The following PRR12 variants were observed in gnomAD, a reference collection of about 807,000 sequenced individuals.
The protein encoded by PRR12 is proline rich 12, also known as proline-rich protein 12.
In PRR12, 12 loss-of-function variants were observed where a neutral mutation model predicts 138.0. That is an observed-to-expected ratio of 0.09 (90% confidence interval 0.06 to 0.14). The LOEUF is 0.14. Ranked by LOEUF, PRR12 falls within the 10% of genes least tolerant of loss-of-function variation. The pLI is 1.00. For missense variants in PRR12, 2,692 were observed against 2,861.3 expected, an observed-to-expected ratio of 0.94 and a Z score of 1.35; for synonymous variants, 1,567 against 1,291.7, an observed-to-expected ratio of 1.21 and a Z score of -4.57.
Position 49,591,678 on chromosome 19 carries a change from C to G in PRR12, c.24C>G (p.Ala8=). The G allele has an allele frequency of 1.3e-6, 2 of 1,497,638 alleles. No homozygotes were observed. The highest frequency in any genetic ancestry group is 1.8e-6 in the Non-Finnish European group (2 of 1,123,420). 92.8% of individuals were successfully genotyped at this position (1,497,638 alleles called of 1,614,324 possible). A position where few individuals can be genotyped will look rare whatever the true frequency, so the allele number is the denominator to read the frequency against. The change falls in exon 1 of 14, where the codon GCC becomes GCG. Residue 8 remains alanine, a synonymous_variant. Transcript: ENST00000418929. ...TCATGGACAGGAACTACCCCAGCGC[C>G]GGCTTCGGGGACCCGCTCGGCGCCG... MDRNYPS[A]GFGDPLGAGA...
At chr19:49,611,969 AC>A (rs1418084635) in intron 6 of PRR12, among the ~76,000 whole-genome samples, 4 of 140,362 alleles carry the variant, frequency 2.8e-5, no homozygotes, top group African/African-American at 1.1e-4. Flanking sequence ...ACAGTGGCTC[AC>A]CCCTGTAATC....
At chr19:49,610,742 A>G (rs1281860493) in intron 6 of PRR12, among the ~76,000 whole-genome samples, 1 of 151,692 alleles carries the variant, frequency 6.6e-6, no homozygotes, top group Non-Finnish European at 1.5e-5. Flanking sequence ...ACGGGGTTTC[A>G]CCATGTTAGC....
chr19:49,615,885 G>A lies in PRR12; in HGVS notation c.5163G>A (p.Thr1721=), dbSNP rs992387885. 1.2e-5 allele frequency: 19 copies of A among 1,580,120 alleles called. No individual in the cohort carries two copies. The highest frequency in any genetic ancestry group is 2.3e-5 in the East Asian group (1 of 42,720). Residue 1721 remains threonine, a synonymous_variant, in exon 9 of 14, where the codon ACG becomes ACA. Transcript: ENST00000418929. The part of the protein sequence containing the change: ...SEKPPEQTPE[T]AMPEPPAPEK... ...AGCCCCCAGAGCAGACTCCTGAGAC[G>A]GCCATGCCTGAGCCCCCTGCCCCCG... is the stretch of plus-strand genomic sequence containing the variant.
At position 49,625,627 on chromosome 19, in the gene PRR12, G is replaced by A; in HGVS notation, c.*20G>A. Reference sequence around the variant, plus strand: ...GGGTGACCCCGCCCCAGCTTGTGAGGGGGGCGCCTCCTCCATGAACCGAGA... The same window carrying A: ...GGGTGACCCCGCCCCAGCTTGTGAGAGGGGCGCCTCCTCCATGAACCGAGA... On this transcript the variant is annotated 3_prime_UTR_variant, in exon 14 of 14. Transcript: ENST00000418929. This position sits in a 1 kb window ranked among gnomAD's most constrained non-coding sequence, Gnocchi z 5.5. The A allele has an allele frequency of 1.3e-6, 2 of 1,583,260 alleles. No individual in the cohort carries two copies. Among genetic ancestry groups the A allele is most frequent in the Non-Finnish European group, 8.6e-7 (1 of 1,163,806 alleles).
In PRR12 at chr19:49,594,686, C is replaced by G; in HGVS notation, c.362-11C>G. 6.2e-7 allele frequency: 1 copy of G among 1,611,872 alleles called. No homozygotes were observed. Among genetic ancestry groups the G allele is most frequent in the Non-Finnish European group, 8.5e-7 (1 of 1,179,658 alleles). On this transcript the variant is annotated splice_polypyrimidine_tract_variant and intron_variant, in intron 3 of 13. Transcript: ENST00000418929. This position sits in a 1 kb window ranked among gnomAD's most constrained non-coding sequence, Gnocchi z 5.6. ...CTGTTCTCTCTGACGCGCGGTCTTC[C>G]TCATCTCCAGCCATGCACACGCCAG...
In PRR12 at chr19:49,597,923, C is replaced by G; in HGVS notation, c.3588C>G (p.Gly1196=). 1 of 1,404,062 alleles carries G rather than the reference C, an allele frequency of 7.1e-7. No homozygotes were observed. Among genetic ancestry groups the G allele is most frequent in the Non-Finnish European group, 9.2e-7 (1 of 1,083,022 alleles). 87.0% of individuals were successfully genotyped at this position (1,404,062 alleles called of 1,614,324 possible). The stretch of plus-strand genomic sequence containing the variant: ...CCTCGGCCTCCACGCCCACCGATGG[C>G]GCCAAGAAACCCCGGGGCCGGGGCC... ...GPASASTPTD[G]AKKPRGRGRG... Residue 1196 remains glycine (G), a synonymous_variant, in exon 4 of 14, where the codon GGC becomes GGG. Coordinates refer to ENST00000418929, the MANE Select transcript of PRR12 (RefSeq NM_020719.3). This position sits in a 1 kb window ranked among gnomAD's most constrained non-coding sequence, Gnocchi z 6.3.
rs1222146777 is a variant in PRR12, at chr19:49,596,049, C to T, written c.1714C>T (p.Pro572Ser). 1 of 1,601,484 alleles carries T rather than the reference C, an allele frequency of 6.2e-7. No homozygotes were observed. The highest frequency in any genetic ancestry group is 8.5e-7 in the Non-Finnish European group (1 of 1,179,742). The change falls in exon 4 of 14, where the codon CCT becomes TCT. Residue 572 changes from proline to serine, a missense_variant. Around this residue, in one of 11 missense-constraint regions of PRR12, gnomAD observed 66 missense variants for 102.4 expected, o/e 0.64. Coordinates refer to ENST00000418929, the MANE Select transcript of PRR12 (RefSeq NM_020719.3). This position sits in a 1 kb window ranked among gnomAD's most constrained non-coding sequence, Gnocchi z 5.6. ...CATCATTCGTCCGCTCCAGTCACCGCCTGCCACCGGCCGTCCACCTGGAGT... is the reference window on the plus strand; with the variant it reads ...CATCATTCGTCCGCTCCAGTCACCGTCTGCCACCGGCCGTCCACCTGGAGT... ...SHIIRPLQSP[P>S]ATGRPPGVGS...
In PRR12 at chr19:49,594,613, C is replaced by G. The variant is rs1292323470; in HGVS notation, c.359C>G (p.Thr120Arg). 1 of 1,611,830 alleles carries G rather than the reference C, an allele frequency of 6.2e-7. No individual in the cohort carries two copies. The highest frequency in any genetic ancestry group is 8.5e-7 in the Non-Finnish European group (1 of 1,179,530). The stretch of plus-strand genomic sequence containing the variant: ...CAGTTCCGCAGTCCTTCCTGGCAAA[C>G]AGGTAAGCCCAGCGCCGGCCCTGCA... Reference protein sequence around the residue: ...LSQFRSPSWQTAMHTPGPTEL... With the variant: ...LSQFRSPSWQRAMHTPGPTEL... The change falls in exon 3 of 14, where the codon ACA becomes AGA. Residue 120 changes from threonine to arginine, a missense_variant and splice_region_variant. Coordinates refer to ENST00000418929, the MANE Select transcript of PRR12 (RefSeq NM_020719.3). This position sits in a 1 kb window ranked among gnomAD's most constrained non-coding sequence, Gnocchi z 5.6.
In PRR12 at chr19:49,594,118, G is replaced by T. The variant is rs936903978; in HGVS notation, c.200-336G>T. 6.6e-6 allele frequency among the ~76,000 whole-genome samples: 1 copy of T among 151,840 alleles called. No homozygotes were observed. Among genetic ancestry groups the T allele is most frequent in the Non-Finnish European group, 1.5e-5 (1 of 67,960 alleles). ...TCCTTGCTGGAAATATCCAAATTTG[G>T]TCTCCCTCCCAGCCTTACTGAGGAC... On this transcript the variant is annotated intron_variant, in intron 2 of 13. Coordinates refer to ENST00000418929, the MANE Select transcript of PRR12 (RefSeq NM_020719.3). This position sits in a 1 kb window ranked among gnomAD's most constrained non-coding sequence, Gnocchi z 5.6.
At chr19:49,611,831 G>C (rs1024497749) in intron 6 of PRR12, among the ~76,000 whole-genome samples, 1 of 146,616 alleles carries the variant, frequency 6.8e-6, no homozygotes, top group Non-Finnish European at 1.5e-5. Context: ...GCTGAGGCAG[G>C]AGAATGGCGT....
rs1489875724 is a variant in PRR12 at position 49,596,111 on chromosome 19, A to C, written c.1776A>C (p.Ser592=). ...SPGAPGKYLS[S]VLASAPFLAP... ...GAGCCCCTGGCAAATACCTGAGCTC[A>C]GTCTTGGCCTCAGCGCCTTTCCTGG... The change falls in exon 4 of 14, where the codon TCA becomes TCC. Residue 592 remains serine (S), a synonymous_variant. Transcript: ENST00000418929. The surrounding 1 kb of genome is among the most constrained non-coding windows in gnomAD (Gnocchi z 5.6). 6.2e-7 allele frequency: 1 copy of C among 1,603,430 alleles called. No homozygotes were observed. The highest frequency in any genetic ancestry group is 1.7e-5 in the Admixed American group (1 of 60,020).
intron 2 of PRR12, among the ~76,000 whole-genome samples, chr19:49,593,692 C>G (rs2080745200): frequency 6.6e-6 from 1 of 152,142 alleles, no homozygotes; most frequent in East Asian, 1.9e-4. Flanking sequence ...CCCCAAATCC[C>G]ACCTTCTCTT....
rs541005642 is a variant in PRR12 at position 49,596,731 on chromosome 19, C to G, written c.2396C>G (p.Pro799Arg). 1.9e-5 allele frequency: 31 copies of G among 1,604,872 alleles called. No homozygotes were observed. Among genetic ancestry groups the G allele is most frequent in the African/African-American group, 6.7e-5 (5 of 74,750 alleles). The change falls in exon 4 of 14, where the codon CCC becomes CGC. Residue 799 changes from proline (P) to arginine (R), a missense_variant. Physicochemically the swap from Pro to Arg is moderately radical, Grantham distance 103. Coordinates refer to ENST00000418929, the MANE Select transcript of PRR12 (RefSeq NM_020719.3). This position sits in a 1 kb window ranked among gnomAD's most constrained non-coding sequence, Gnocchi z 5.6. ...CCACTGGTGCTGCCTCCGCCTCCCCCCCAGCTGCTCCCCTCGGTCCTCAGC... is the reference window on the plus strand; with the variant it reads ...CCACTGGTGCTGCCTCCGCCTCCCCGCCAGCTGCTCCCCTCGGTCCTCAGC... Reference protein sequence around the residue: ...DLPLVLPPPPPQLLPSVLSHA... With the variant: ...DLPLVLPPPPRQLLPSVLSHA...
Position 49,599,402 on chromosome 19 carries a change from T to C in PRR12, c.3809T>C (p.Val1270Ala), listed in dbSNP as rs200956034. The C allele has an allele frequency of 4.0e-5, 65 of 1,611,676 alleles. No homozygotes were observed. The African/African-American group carries it at 8.4e-4, about 21-fold the overall frequency. The change falls in exon 5 of 14, where the codon GTG becomes GCG. Residue 1270 changes from valine (V) to alanine (A), a missense_variant. Val to Ala is a moderately conservative substitution (Grantham distance 64). Around this residue, in one of 11 missense-constraint regions of PRR12, gnomAD observed 326 missense variants for 344.2 expected, o/e 0.95. Transcript: ENST00000418929. The surrounding 1 kb of genome is among the most constrained non-coding windows in gnomAD (Gnocchi z 5.0). ...AAGATCGAGGCCAAGATTAAGGAGG[T>C]GGAGGAGAAGCAGCCGGAGATGAAG... is the stretch of plus-strand genomic sequence containing the variant. ...REKIEAKIKE[V>A]EEKQPEMKSG...
At position 49,624,489 on chromosome 19, in the gene PRR12, T is replaced by C. The variant is rs552034795; in HGVS notation, c.5722-355T>C. On this transcript the variant is annotated intron_variant, in intron 11 of 13. Transcript: ENST00000418929. ...GTGGTTAGGATGGGGCTGGGAATTCTGGGGTAGGTGGTTAGGATGGGGCTG... is the reference window on the plus strand; with the variant it reads ...GTGGTTAGGATGGGGCTGGGAATTCCGGGGTAGGTGGTTAGGATGGGGCTG... 6.0e-5 allele frequency among the ~76,000 whole-genome samples: 9 copies of C among 151,016 alleles called. No individual in the cohort carries two copies. The East Asian group carries it at 1.4e-3, about 23-fold the overall frequency.
In PRR12 at chr19:49,595,753, C is replaced by A. The variant is rs1208285789; in HGVS notation, c.1418C>A (p.Pro473His). ...CAGGCACAGGACTTGAGCAAAGCCCCCAGCTACTCAGGGGGCCCCCCACAG... is the reference window on the plus strand; with the variant it reads ...CAGGCACAGGACTTGAGCAAAGCCCACAGCTACTCAGGGGGCCCCCCACAG... ...GGQAQDLSKA[P>H]SYSGGPPQPP... The change falls in exon 4 of 14, where the codon CCC becomes CAC. Residue 473 changes from proline to histidine, a missense_variant. Around this residue, in one of 11 missense-constraint regions of PRR12, gnomAD observed 523 missense variants for 496.4 expected, o/e 1.05. Transcript: ENST00000418929. 1 of 1,600,606 alleles carries A rather than the reference C, an allele frequency of 6.2e-7. No homozygotes were observed. The highest frequency in any genetic ancestry group is 1.3e-5 in the African/African-American group (1 of 74,534).
At position 49,624,917 on chromosome 19, in the gene PRR12, G is replaced by A. The variant is rs1430398468; in HGVS notation, c.5795G>A (p.Arg1932Gln). ...GEGSPEEGAV[R>Q]LRPAGEPYNR... is the part of the protein sequence containing the mutation. Reference sequence around the variant, plus strand: ...GGCTCTCCGGAAGAGGGGGCTGTGCGGCTGCGGCCTGCTGGGGAACCCTAC... The same window carrying A: ...GGCTCTCCGGAAGAGGGGGCTGTGCAGCTGCGGCCTGCTGGGGAACCCTAC... The change falls in exon 12 of 14, where the codon CGG (arginine) becomes CAG (glutamine). Residue 1932 changes from arginine (R) to glutamine (Q), a missense_variant. By Grantham distance (43) the Arg-to-Gln change is conservative (BLOSUM62 1). Transcript: ENST00000418929. 1.9e-6 allele frequency: 3 copies of A among 1,605,104 alleles called. No homozygotes were observed. The highest frequency in any genetic ancestry group is 1.7e-5 in the Admixed American group (1 of 58,952).
chr19:49,592,326 C>G (rs987706053), intron 1 of PRR12, among the ~76,000 whole-genome samples: 3 of 152,186 alleles, frequency 2.0e-5, no homozygotes, highest in African/African-American at 7.2e-5. Context: ...TTTAATGCCC[C>G]CACCCCCAAA....
rs1427284289 is a variant in PRR12, at chr19:49,615,864, C to T, written c.5142C>T (p.Pro1714=). 3.8e-6 allele frequency: 6 copies of T among 1,599,828 alleles called. No homozygotes were observed. In the African/African-American group the frequency reaches 4.0e-5, roughly 11 times the overall value. ...CTGAAAAGACGACATCTGAGAAGCC[C>T]CCAGAGCAGACTCCTGAGACGGCCA... ...ETPEKTTSEK[P]PEQTPETAMP... The change falls in exon 9 of 14, where the codon CCC becomes CCT. Residue 1714 remains proline, a synonymous_variant. Coordinates refer to ENST00000418929, the MANE Select transcript of PRR12 (RefSeq NM_020719.3).
Sources: gnomAD v4.1 joint callset for allele counts (sites outside exome capture counted in the v4.1 genomes callset) on GRCh38, gnomAD v4.1.1 for gene constraint, gnomAD v4.1.1 regional missense constraint, Gnocchi (gnomAD v3.1) non-coding constraint, MANE v1.5 for transcripts, NCBI Gene and HGNC (gene_info 2026-07-23, HGNC 2026-07-21) for gene names.